Variants in STARD13 observed in about 807,000 individuals in gnomAD.
The protein encoded by STARD13 is StAR related lipid transfer domain containing 13.
Under a neutral mutation model 106.4 loss-of-function variants are expected in STARD13, and 62 were observed. The observed-to-expected ratio is 0.58, with a 90% CI of 0.48 to 0.72. The LOEUF is 0.72. Among genes scored for constraint, STARD13 ranks in the 30% least tolerant of loss-of-function variants. The pLI is 0.00. For missense variants in STARD13, 1,387 were observed against 1,424.0 expected, an observed-to-expected ratio of 0.97 and a Z score of 0.42; for synonymous variants, 565 against 553.0, an observed-to-expected ratio of 1.02 and a Z score of -0.31.
At chr13:33,623,401 A>C in the STARD13 span, among the ~76,000 whole-genome samples, 1 of 149,924 alleles carries the variant, frequency 6.7e-6, no homozygotes, top group Admixed American at 6.6e-5. Flanking sequence ...TAAACATAAA[A>C]CAATGATAAA....
chr13:33,350,739 G>A, upstream of STARD13: 1 of 852,884 alleles, frequency 1.2e-6, no homozygotes, highest in Non-Finnish European at 1.4e-6. Flanking sequence ...CCCTCCCCCT[G>A]GCTGCCTCGC....
chr13:33,178,979 CT>C (rs1465845299), intron 1 of STARD13, among the ~76,000 whole-genome samples: 3 of 152,152 alleles, frequency 2.0e-5, no homozygotes, highest in African/African-American at 7.2e-5. Context: ...AAAAGAGCAA[CT>C]CTTTAAGGCA....
intron 1 of STARD13, among the ~76,000 whole-genome samples, chr13:33,197,459 C>T (rs1886711042): frequency 6.8e-6 from 1 of 147,196 alleles, no homozygotes; most frequent in African/African-American, 2.5e-5. Flanking sequence ...TTCAATAGAC[C>T]TCTTAAGCGT....
the STARD13 span, among the ~76,000 whole-genome samples, chr13:33,574,287 C>G: frequency 6.6e-6 from 1 of 152,192 alleles, no homozygotes; most frequent in African/African-American, 2.4e-5. Context: ...AATCGACAAA[C>G]TTTTTAACAC....
chr13:33,424,783 T>G, the STARD13 span, among the ~76,000 whole-genome samples: 1 of 152,194 alleles, frequency 6.6e-6, no homozygotes, highest in Non-Finnish European at 1.5e-5. Flanking sequence ...GGCATGTATT[T>G]TTACATGTAG....
chr13:33,421,742 C>A, the STARD13 span, among the ~76,000 whole-genome samples: 1 of 152,200 alleles, frequency 6.6e-6, no homozygotes, highest in Admixed American at 6.5e-5. Context: ...AAAAGCTTAT[C>A]CACCACGATC....
chr13:33,253,208 A>G (rs1485599310), intron 1 of STARD13, among the ~76,000 whole-genome samples: 1 of 152,208 alleles, frequency 6.6e-6, no homozygotes, highest in Non-Finnish European at 1.5e-5. Flanking sequence ...ATGGACAGCC[A>G]GACTTCCTAA....
the STARD13 span, among the ~76,000 whole-genome samples, chr13:33,623,633 A>T: frequency 6.6e-6 from 1 of 152,142 alleles, no homozygotes; most frequent in Admixed American, 6.5e-5. Context: ...ATATTTAATT[A>T]TCTGCATCTA....
chr13:33,495,414 C>T, the STARD13 span, among the ~76,000 whole-genome samples: 1 of 152,108 alleles, frequency 6.6e-6, no homozygotes, highest in South Asian at 2.1e-4. Context: ...ATACATGGTA[C>T]TATTCGAGAA....
the STARD13 span, among the ~76,000 whole-genome samples, chr13:33,477,518 A>T: frequency 2.0e-5 from 3 of 152,240 alleles, no homozygotes; most frequent in Non-Finnish European, 4.4e-5. Flanking sequence ...AAGCTCCATG[A>T]TGACTAAGTG....
the STARD13 span, among the ~76,000 whole-genome samples, chr13:33,577,964 C>T: frequency 6.6e-6 from 1 of 152,040 alleles, no homozygotes; most frequent in East Asian, 1.9e-4. Context: ...AAGGTCTCTA[C>T]AAGGAGAACT....
the STARD13 span, among the ~76,000 whole-genome samples, chr13:33,462,165 C>T: frequency 2.0e-5 from 3 of 152,180 alleles, no homozygotes; most frequent in Non-Finnish European, 2.9e-5. Context: ...CTTGCACTTA[C>T]GTTACTCTGT....
intron 1 of STARD13, among the ~76,000 whole-genome samples, chr13:33,262,606 A>C (rs1886669): frequency 0.24 from 36,421 of 150,068 alleles, 5,156 homozygotes; most frequent in African/African-American, 0.36. Flanking sequence ...TTGTGGGATA[A>C]GATCTTACTT....
At chr13:33,232,131 G>A (rs1888957425) in intron 1 of STARD13, among the ~76,000 whole-genome samples, 2 of 152,092 alleles carry the variant, frequency 1.3e-5, no homozygotes, top group Non-Finnish European at 2.9e-5. Context: ...TGGCCAACAT[G>A]GTGAAACCCT....
chr13:33,308,576 A>G (rs1480381483), intron 1 of STARD13, among the ~76,000 whole-genome samples: 1 of 120,806 alleles, frequency 8.3e-6, no homozygotes, highest in Non-Finnish European at 1.6e-5. Flanking sequence ...CAGGCTGGAG[A>G]GCAATGGCAT....
chr13:33,516,140 A>G, the STARD13 span, among the ~76,000 whole-genome samples: 1 of 148,096 alleles, frequency 6.8e-6, no homozygotes, highest in African/African-American at 2.5e-5. Flanking sequence ...GAAGTGTTAT[A>G]TATAATTTAT....
the STARD13 span, among the ~76,000 whole-genome samples, chr13:33,358,835 C>T: frequency 6.6e-6 from 1 of 152,102 alleles, no homozygotes. Flanking sequence ...TTTGTAAATA[C>T]ACCAATCAGC....
At chr13:33,377,676 A>AT in the STARD13 span, among the ~76,000 whole-genome samples, 1 of 151,508 alleles carries the variant, frequency 6.6e-6, no homozygotes, top group African/African-American at 2.4e-5. Flanking sequence ...AATGCATCCT[A>AT]TTTTTAATGC....
the STARD13 span, among the ~76,000 whole-genome samples, chr13:33,604,003 C>G: frequency 6.6e-6 from 1 of 152,060 alleles, no homozygotes; most frequent in Non-Finnish European, 1.5e-5. Flanking sequence ...ATAAGACACT[C>G]TTACAATTAA....
Sources: allele counts gnomAD v4.1 joint callset (sites outside exome capture counted in the v4.1 genomes callset), GRCh38; gene constraint gnomAD v4.1.1; transcripts MANE v1.5; gene names NCBI Gene and HGNC (gene_info 2026-07-23, HGNC 2026-07-21).